Variants in CDK8 observed in about 807,000 individuals in gnomAD.
CDK8 encodes the protein cyclin dependent kinase 8.
CDK8 carries 29 observed loss-of-function variants against 71.5 expected under a neutral mutation model. The observed-to-expected ratio is 0.41, with a 90% CI of 0.30 to 0.55. The LOEUF (loss-of-function observed/expected upper bound fraction) is 0.55. CDK8 is among the 20% of genes least tolerant of loss of function. The pLI is 0.37. For missense variants in CDK8, 288 were observed against 572.6 expected (o/e 0.50, Z 5.07); for synonymous variants, 161 against 192.1 (o/e 0.84, Z 1.34).
chr13:26,372,207 A>G (rs375481514), intron 4 of CDK8, among the ~76,000 whole-genome samples: 6 of 152,226 alleles, frequency 3.9e-5, no homozygotes, highest in East Asian at 1.9e-4. Flanking sequence ...TCCTGTTAGC[A>G]TAAGTTGAAA....
At chr13:26,385,517 T>C (rs1168009000) in intron 6 of CDK8, among the ~76,000 whole-genome samples, 175 bp downstream of exon 6, 6 of 152,148 alleles carry the variant, frequency 3.9e-5, no homozygotes, top group Non-Finnish European at 8.8e-5. Context: ...GCTGGATCAC[T>C]TGAGTCCAGT....
chr13:26,301,795 C>G (rs1222225048), intron 1 of CDK8, among the ~76,000 whole-genome samples: 1 of 152,170 alleles, frequency 6.6e-6, no homozygotes, highest in Non-Finnish European at 1.5e-5. Context: ...TTAAGAGCGT[C>G]TTCATCAAGA....
intron 2 of CDK8, among the ~76,000 whole-genome samples, chr13:26,339,405 G>A (rs1293162846): frequency 6.6e-6 from 1 of 151,906 alleles, no homozygotes; most frequent in Non-Finnish European, 1.5e-5. Flanking sequence ...AAAAAAGAAA[G>A]TATACATTTG....
intron 1 of CDK8, among the ~76,000 whole-genome samples, chr13:26,306,888 C>T (rs576317885): frequency 6.6e-6 from 1 of 152,212 alleles, no homozygotes; most frequent in Admixed American, 6.5e-5. Flanking sequence ...CTCGGCCTCC[C>T]AAAGTGCTGG....
At chr13:26,349,669 A>G (rs1593280590) in intron 3 of CDK8, among the ~76,000 whole-genome samples, 1 of 152,170 alleles carries the variant, frequency 6.6e-6, no homozygotes, top group Non-Finnish European at 1.5e-5. Context: ...TTGAAGCTGT[A>G]GTTTACCCCA....
At position 26,404,982 on chromosome 13, in the gene CDK8, G is replaced by A. The variant is rs1481570700; in HGVS notation, c.*901G>A. 1 of 196,862 alleles carries A rather than the reference G, an allele frequency of 5.1e-6. No individual in the cohort carries two copies. The highest frequency in any genetic ancestry group is 7.9e-5 in the East Asian group (1 of 12,588). The allele number at this position is 196,862 out of a possible 1,614,324, so 12.2% of individuals were successfully genotyped here. On this transcript the variant is annotated 3_prime_UTR_variant, in exon 13 of 13. Coordinates refer to ENST00000381527, the MANE Select transcript of CDK8 (RefSeq NM_001260.3). ...TTCGTCCTGATTTTAAAGCTGGTTG[G>A]TGTAGTGCTATTAAAATTTCGTTCA... is the stretch of plus-strand genomic sequence containing the variant.
intron 1 of CDK8, among the ~76,000 whole-genome samples, chr13:26,330,213 A>T (rs1875245858): frequency 6.6e-6 from 1 of 151,956 alleles, no homozygotes; most frequent in South Asian, 2.1e-4. Flanking sequence ...TATTTCATTT[A>T]TTTATTTTTT....
chr13:26,309,507 T>C (rs58778202), intron 1 of CDK8, among the ~76,000 whole-genome samples: 3,413 of 152,270 alleles, frequency 0.022, 129 homozygotes, highest in African/African-American at 0.078. Flanking sequence ...TATTATACTT[T>C]AGTGATTTTC....
intron 1 of CDK8, among the ~76,000 whole-genome samples, chr13:26,336,711 A>C (rs531420376): frequency 1.3e-5 from 2 of 151,512 alleles, no homozygotes; most frequent in Non-Finnish European, 2.9e-5. Context: ...CCGCCACCAC[A>C]CCCGGCTAAT....
chr13:26,349,617 C>A (rs1873603753), intron 3 of CDK8, among the ~76,000 whole-genome samples: 1 of 152,110 alleles, frequency 6.6e-6, no homozygotes, highest in Admixed American at 6.5e-5. Flanking sequence ...AATAGTTCTA[C>A]CATTATTTGT....
At chr13:26,260,404 A>G (rs1331802878) in intron 1 of CDK8, among the ~76,000 whole-genome samples, 1 of 152,144 alleles carries the variant, frequency 6.6e-6, no homozygotes, top group Non-Finnish European at 1.5e-5. Context: ...CAGGGGTCTG[A>G]TTTAAGACTC....
intron 1 of CDK8, among the ~76,000 whole-genome samples, chr13:26,293,155 A>G (rs921931064): frequency 2.6e-5 from 4 of 152,032 alleles, no homozygotes; most frequent in Non-Finnish European, 5.9e-5. Context: ...TTAGTTTTCA[A>G]TTTTGTCTTT....
chr13:26,265,020 A>G (rs969938731), intron 1 of CDK8, among the ~76,000 whole-genome samples: 25 of 152,166 alleles, frequency 1.6e-4, no homozygotes, highest in African/African-American at 5.6e-4. Context: ...GCTGTTGTAA[A>G]TAGTGTTGCC....
chr13:26,323,556 A>G (rs1007917070), intron 1 of CDK8, among the ~76,000 whole-genome samples: 5 of 152,090 alleles, frequency 3.3e-5, no homozygotes, highest in Non-Finnish European at 7.4e-5. Flanking sequence ...AGTCCAGAGC[A>G]CTGTCCTCTT....
At chr13:26,259,336 T>G (rs890509246) in intron 1 of CDK8, among the ~76,000 whole-genome samples, 1 of 152,174 alleles carries the variant, frequency 6.6e-6, no homozygotes, top group African/African-American at 2.4e-5. Context: ...CTACTGAGCA[T>G]GTACAGATTT....
chr13:26,297,874 C>A (rs910823715), intron 1 of CDK8, among the ~76,000 whole-genome samples: 1 of 152,086 alleles, frequency 6.6e-6, no homozygotes, highest in Non-Finnish European at 1.5e-5. Flanking sequence ...ATCAGGGTGC[C>A]AGCATGATTG....
chr13:26,386,183 C>T (rs1875468304), intron 6 of CDK8, among the ~76,000 whole-genome samples: 1 of 152,192 alleles, frequency 6.6e-6, no homozygotes, highest in Non-Finnish European at 1.5e-5. Flanking sequence ...TTAGTAATAT[C>T]TTCATCACTT....
rs1243372184 is a variant in CDK8 at position 26,401,515 on chromosome 13, A to T, written c.1160A>T (p.His387Leu). 3 of 1,614,186 alleles carry T rather than the reference A, an allele frequency of 1.9e-6. No individual in the cohort carries two copies. Among genetic ancestry groups the T allele is most frequent in the Non-Finnish European group, 2.5e-6 (3 of 1,180,020 alleles). Residue 387 changes from histidine to leucine, a missense_variant, in exon 12 of 13, where the codon CAC becomes CTC. Transcript: ENST00000381527. The surrounding 1 kb of genome is among the most constrained non-coding windows in gnomAD (Gnocchi z 4.5). ...QGNNHTNGTG[H>L]PGNQDSSHTQ... ...AATAACCACACTAATGGAACTGGCCACCCAGGGAATCAAGACAGCAGTCAC... is the reference window on the plus strand; with the variant it reads ...AATAACCACACTAATGGAACTGGCCTCCCAGGGAATCAAGACAGCAGTCAC...
intron 2 of CDK8, among the ~76,000 whole-genome samples, chr13:26,344,231 C>CT (rs1873365523): frequency 1.3e-5 from 2 of 152,054 alleles, no homozygotes. Context: ...TGATTTTATT[C>CT]TTTTTTATGG....
Sources: allele counts gnomAD v4.1 joint callset (sites outside exome capture counted in the v4.1 genomes callset), GRCh38; gene constraint gnomAD v4.1.1; non-coding constraint Gnocchi (gnomAD v3.1); transcripts MANE v1.5; gene names NCBI Gene and HGNC (gene_info 2026-07-23, HGNC 2026-07-21).